The following ACOX1 variants were observed in gnomAD, a reference collection of about 807,000 sequenced individuals.
ACOX1 encodes the protein acyl-CoA oxidase 1, also known as peroxisomal acyl-coenzyme A oxidase 1.
A neutral mutation model predicts 75.5 loss-of-function variants in ACOX1; 41 were observed. That is an observed-to-expected ratio of 0.54 (90% CI 0.42 to 0.70). The LOEUF (loss-of-function observed/expected upper bound fraction) is 0.70. Ranked by LOEUF, ACOX1 falls within the 30% of genes least tolerant of loss-of-function variation. The pLI is 0.00. For synonymous variants in ACOX1, 303 were observed against 298.8 expected, an observed-to-expected ratio of 1.01 and a Z score of -0.15; for missense variants, 630 against 837.5, an observed-to-expected ratio of 0.75 and a Z score of 3.06.
intron 5 of ACOX1, 58 bp from the exon 6 acceptor site, chr17:75,955,739 G>C (rs1213996288): frequency 1.2e-6 from 2 of 1,611,524 alleles, no homozygotes; most frequent in African/African-American, 1.3e-5. Flanking sequence ...TCTGGCTTTT[G>C]CTCCGCCTCT....
chr17:75,968,605 GAAA>G (rs56009651), intron 2 of ACOX1, among the ~76,000 whole-genome samples: 1 of 69,232 alleles, frequency 1.4e-5, no homozygotes. Flanking sequence ...GACTCCGCCT[GAAA>G]AAAAAAAAAA....
intron 2 of ACOX1, among the ~76,000 whole-genome samples, chr17:75,964,228 A>C (rs1567882838): frequency 6.6e-6 from 1 of 151,898 alleles, no homozygotes; most frequent in Admixed American, 6.6e-5. Flanking sequence ...AGAAAAACAC[A>C]TTCATGGGAT....
chr17:75,960,365 G>C lies in ACOX1; in HGVS notation c.280C>G (p.Arg94Gly), dbSNP rs780675610. Reference sequence around the variant, plus strand: ...AGATCCAGAGGCTCAGGCCGCCCTCGGTGCACAAAACTTCGAGGAAATATC... The same window carrying C: ...AGATCCAGAGGCTCAGGCCGCCCTCCGTGCACAAAACTTCGAGGAAATATC... ...EIMWFKNFVH[R>G]GRPEPLDLHL... Residue 94 changes from arginine (R) to glycine (G), a missense_variant, in exon 3 of 14, where the codon CGA becomes GGA. Physicochemically the swap from Arg to Gly is moderately radical, Grantham distance 125. Around this residue, in one of 2 missense-constraint regions of ACOX1, gnomAD observed 390 missense variants for 574.9 expected, o/e 0.68. Coordinates refer to ENST00000293217, the MANE Select transcript of ACOX1 (RefSeq NM_004035.7). The surrounding 1 kb of genome is among the most constrained non-coding windows in gnomAD (Gnocchi z 4.4). 3 of 1,613,812 alleles carry C rather than the reference G, an allele frequency of 1.9e-6. No homozygotes were observed. The South Asian group carries it at 3.3e-5, about 18-fold the overall frequency.
At position 75,965,356 on chromosome 17, in the gene ACOX1, C is replaced by A. The variant is rs376375677; in HGVS notation, c.270-4981G>T. Reference sequence around the variant, plus strand: ...CTGTCTCAAAAAAAAAAAAAAAAAACCCAGAAAAAAGATAAATACCTAATA... The same window carrying A: ...CTGTCTCAAAAAAAAAAAAAAAAAAACCAGAAAAAAGATAAATACCTAATA... On this transcript the variant is annotated intron_variant, in intron 2 of 13. Coordinates refer to ENST00000293217, the MANE Select transcript of ACOX1 (RefSeq NM_004035.7). Among the ~76,000 whole-genome samples the A allele has an allele frequency of 2.2e-4, 28 of 126,626 alleles. 1 individual carries two copies. The highest frequency in any genetic ancestry group is 4.9e-4 in the South Asian group (2 of 4,046). The allele number at this position is 126,626 out of a possible 152,430, so 83.1% of individuals were successfully genotyped here. A position where few individuals can be genotyped will look rare whatever the true frequency, so the allele number is the denominator to read the frequency against.
Position 75,943,124 on chromosome 17 carries a change from G to C in ACOX1, c.*3624C>G, listed in dbSNP as rs923600764. 6.6e-6 allele frequency: 1 copy of C among 151,698 alleles called. No individual in the cohort carries two copies. Among genetic ancestry groups the C allele is most frequent in the Non-Finnish European group, 1.5e-5 (1 of 68,016 alleles). The allele number at this position is 151,698 out of a possible 1,614,324, so 9.4% of individuals were successfully genotyped here. On this transcript the variant is annotated 3_prime_UTR_variant, in exon 14 of 14. Coordinates refer to ENST00000293217, the MANE Select transcript of ACOX1 (RefSeq NM_004035.7). ...GCCTGTAATCCCAGCTACTCAGGAG[G>C]CTGAGGTGGGAGAATCGCTCGAACC...
chr17:75,975,189 C>T (rs1446864485), intron 2 of ACOX1, among the ~76,000 whole-genome samples: 1 of 151,470 alleles, frequency 6.6e-6, no homozygotes, highest in African/African-American at 2.4e-5. Flanking sequence ...GAGACAGTCT[C>T]CCTCTGTTGC....
At chr17:75,962,644 C>A (rs894488635) in intron 2 of ACOX1, among the ~76,000 whole-genome samples, 2 of 152,112 alleles carry the variant, frequency 1.3e-5, no homozygotes, top group African/African-American at 4.8e-5. Flanking sequence ...AGGCTTTCAG[C>A]TAAGCAATCA....
chr17:75,952,026 G>C (rs2065779687), intron 7 of ACOX1, among the ~76,000 whole-genome samples: 1 of 152,000 alleles, frequency 6.6e-6, no homozygotes, highest in Non-Finnish European at 1.5e-5. Flanking sequence ...TACTGCGTAG[G>C]CTGACAGAAT....
At chr17:75,969,964 CGCCTG>C (rs2065977482) in intron 2 of ACOX1, among the ~76,000 whole-genome samples, 1 of 151,912 alleles carries the variant, frequency 6.6e-6, no homozygotes, top group Non-Finnish European at 1.5e-5. Context: ...GTGGGCAGAT[CGCCTG>C]AGGTCAGGAG....
intron 2 of ACOX1, among the ~76,000 whole-genome samples, chr17:75,962,365 G>C (rs2065895515): frequency 4.6e-5 from 7 of 152,104 alleles, no homozygotes; most frequent in Admixed American, 4.6e-4. Flanking sequence ...AACGTGCAGG[G>C]GACAGGATTC....
At chr17:75,954,060 T>C (rs1057182080) in intron 6 of ACOX1, among the ~76,000 whole-genome samples, 5 of 151,506 alleles carry the variant, frequency 3.3e-5, no homozygotes, top group African/African-American at 1.2e-4. Flanking sequence ...CTACTAAAAA[T>C]ACAAAAATTA....
chr17:75,965,916 G>A (rs1422494863), intron 2 of ACOX1, among the ~76,000 whole-genome samples: 6 of 151,600 alleles, frequency 4.0e-5, no homozygotes, highest in Non-Finnish European at 2.9e-5. Flanking sequence ...GATCACCTGA[G>A]GTCAAGAGTT....
rs565599136 is a variant in ACOX1 at position 75,950,449 on chromosome 17, A to G, written c.1298+325T>C. On this transcript the variant is annotated intron_variant, in intron 9 of 13. Transcript: ENST00000293217. The surrounding 1 kb of genome is among the most constrained non-coding windows in gnomAD (Gnocchi z 4.3). ...ATTTTTTTAGTAGAGACACGGTTTC[A>G]CCATGTTGATCAAGCTGGTCTTGAA... 3.9e-5 allele frequency among the ~76,000 whole-genome samples: 6 copies of G among 151,996 alleles called. No individual in the cohort carries two copies. The South Asian group carries it at 1.2e-3, about 32-fold the overall frequency.
chr17:75,961,876 G>T (rs1356686001), intron 2 of ACOX1, among the ~76,000 whole-genome samples: 1 of 152,066 alleles, frequency 6.6e-6, no homozygotes, highest in Non-Finnish European at 1.5e-5. Context: ...GAAGCCAGGA[G>T]TCGGAGAACA....
At chr17:75,962,123 G>A (rs1468034012) in intron 2 of ACOX1, among the ~76,000 whole-genome samples, 2 of 151,502 alleles carry the variant, frequency 1.3e-5, no homozygotes, top group Non-Finnish European at 2.9e-5. Context: ...TCAAATATTC[G>A]GCCACGCTCT....
At chr17:75,954,568 CTT>C (rs778030630) in intron 6 of ACOX1, among the ~76,000 whole-genome samples, 2,408 of 115,420 alleles carry the variant, frequency 0.021, 35 homozygotes, top group African/African-American at 0.076. Flanking sequence ...TTATTAGCTC[CTT>C]TTTTTTTTTT....
At position 75,961,198 on chromosome 17, in the gene ACOX1, CAGG is replaced by C. The variant is rs1368249933; in HGVS notation, c.270-826_270-824del. Among the ~76,000 whole-genome samples the C allele has an allele frequency of 3.4e-5, 5 of 149,156 alleles. No homozygotes were observed. In the East Asian group the frequency reaches 9.9e-4, roughly 30 times the overall value. On this transcript the variant is annotated intron_variant, in intron 2 of 13. Transcript: ENST00000293217. ...ATCCCAGCTACTCAGGAGGCTGAGGCAGGAGAATTGCTCCAACCCAGGAGGCAG... is the reference window on the plus strand; with the variant it reads ...ATCCCAGCTACTCAGGAGGCTGAGGCAGAATTGCTCCAACCCAGGAGGCAG...
chr17:75,949,377 A>G lies in ACOX1; in HGVS notation c.1585-17T>C, dbSNP rs770369151. On this transcript the variant is annotated splice_polypyrimidine_tract_variant and intron_variant, in intron 11 of 13. Transcript: ENST00000293217. ...GCAATGTGCCTAAGATTAAAAAGAA[A>G]ACACCAGAGTTTGAGAACCTTGGAA... 1.9e-6 allele frequency: 3 copies of G among 1,614,118 alleles called. No homozygotes were observed. In the Admixed American group the frequency reaches 5.0e-5, roughly 27 times the overall value.
At chr17:75,967,754 T>G (rs573649873) in intron 2 of ACOX1, among the ~76,000 whole-genome samples, 2 of 145,722 alleles carry the variant, frequency 1.4e-5, no homozygotes, top group African/African-American at 5.0e-5. Context: ...ATATATATAT[T>G]TTTTGAGACA....
Sources: allele counts gnomAD v4.1 joint callset (sites outside exome capture counted in the v4.1 genomes callset), GRCh38; gene constraint gnomAD v4.1.1; regional missense constraint gnomAD v4.1.1; non-coding constraint Gnocchi (gnomAD v3.1); transcripts MANE v1.5; gene names NCBI Gene and HGNC (gene_info 2026-07-23, HGNC 2026-07-21).